The following GRIN2A variants were observed in gnomAD, a reference collection of about 807,000 sequenced individuals.
The protein encoded by GRIN2A is glutamate ionotropic receptor NMDA type subunit 2A, also known as glutamate receptor ionotropic, NMDA 2A.
In GRIN2A, 22 loss-of-function variants were observed where a neutral mutation model predicts 113.4. The ratio of observed to expected loss-of-function variants is 0.19; its 90% CI spans 0.14 to 0.28. The LOEUF is 0.28. Among genes scored for constraint, GRIN2A ranks in the 10% least tolerant of loss-of-function variants. The probability of loss-of-function intolerance (pLI) is 1.00; values close to 1 mark genes in which losing one functional copy is unlikely to be tolerated. For synonymous variants in GRIN2A, 827 were observed against 738.4 expected, an observed-to-expected ratio of 1.12 and a Z score of -1.94; for missense variants, 1,502 against 1,887.0, an observed-to-expected ratio of 0.80 and a Z score of 3.78.
chr16:9,802,114 A>T (rs1404633319), intron 10 of GRIN2A, among the ~76,000 whole-genome samples: 2 of 152,228 alleles, frequency 1.3e-5, no homozygotes, highest in African/African-American at 4.8e-5. Flanking sequence ...TTATACACTG[A>T]TGGTGGGAGT....
At position 10,110,275 on chromosome 16, in the gene GRIN2A, C is replaced by G. The variant is rs908601392; in HGVS notation, c.414+69723G>C. Among the ~76,000 whole-genome samples the G allele has an allele frequency of 3.3e-5, 5 of 152,192 alleles. No individual in the cohort carries two copies. In the East Asian group the frequency reaches 9.6e-4, roughly 29 times the overall value. On this transcript the variant is annotated intron_variant, in intron 2 of 12. Transcript: ENST00000330684. ...GTTGAATGGAAACCATTTGGAATAG[C>G]ATTTAACGAGTTAGGGGAACGTGGT...
At chr16:10,110,724 A>G (rs2048596349) in intron 2 of GRIN2A, among the ~76,000 whole-genome samples, 1 of 152,230 alleles carries the variant, frequency 6.6e-6, no homozygotes, top group African/African-American at 2.4e-5. Context: ...GGGAATATTT[A>G]GTCCATAAAA....
At position 9,910,735 on chromosome 16, in the gene GRIN2A, ACC is replaced by A. The variant is rs2044118585; in HGVS notation, c.1008-19637_1008-19636del. ...GTATTTTTAGTAGAAATGGAGTTTC[ACC>A]ATGTTGGCCAGTCTGGCCTCAAACT... On this transcript the variant is annotated intron_variant, in intron 3 of 12. Coordinates refer to ENST00000330684, the MANE Select transcript of GRIN2A (RefSeq NM_001134407.3). 3.3e-5 allele frequency among the ~76,000 whole-genome samples: 5 copies of A among 152,086 alleles called. No homozygotes were observed. In the South Asian group the frequency reaches 1.0e-3, roughly 32 times the overall value.
At chr16:10,158,364 T>C (rs749117009) in intron 2 of GRIN2A, among the ~76,000 whole-genome samples, 12 of 152,200 alleles carry the variant, frequency 7.9e-5, no homozygotes, top group Admixed American at 7.9e-4. Context: ...GGGATATCTA[T>C]CCTCAATAAG....
intron 3 of GRIN2A, among the ~76,000 whole-genome samples, chr16:9,894,102 T>C (rs761321917): frequency 5.9e-5 from 9 of 151,998 alleles, no homozygotes; most frequent in Non-Finnish European, 1.2e-4. Context: ...GGTGAAGGGG[T>C]TGAGGCAGGA....
At chr16:9,850,502 A>G (rs1236672019) in intron 4 of GRIN2A, among the ~76,000 whole-genome samples, 1 of 152,198 alleles carries the variant, frequency 6.6e-6, no homozygotes, top group African/African-American at 2.4e-5. Context: ...TTCTAAGTAT[A>G]AAGGAGAGAA....
At chr16:9,868,973 T>A (rs2043209654) in intron 4 of GRIN2A, among the ~76,000 whole-genome samples, 1 of 152,094 alleles carries the variant, frequency 6.6e-6, no homozygotes, top group South Asian at 2.1e-4. Flanking sequence ...CCCATAAAAC[T>A]GGGCAGGTAG....
At chr16:10,144,616 C>T (rs996698333) in intron 2 of GRIN2A, among the ~76,000 whole-genome samples, 5 of 152,052 alleles carry the variant, frequency 3.3e-5, no homozygotes, top group Admixed American at 6.5e-5. Context: ...TATAGGATAC[C>T]TTTTCATTCT....
intron 2 of GRIN2A, among the ~76,000 whole-genome samples, chr16:9,939,849 TG>T (rs2044819967): frequency 6.6e-6 from 1 of 152,166 alleles, no homozygotes; most frequent in African/African-American, 2.4e-5. Context: ...TATGCCTCTG[TG>T]TTAGAGCAAA....
chr16:9,885,691 C>T (rs1363299159), intron 4 of GRIN2A, among the ~76,000 whole-genome samples: 1 of 152,070 alleles, frequency 6.6e-6, no homozygotes, highest in Non-Finnish European at 1.5e-5. Flanking sequence ...AGTCTTTCCC[C>T]TCTGCTGACC....
At chr16:10,052,904 C>T (rs753179058) in intron 2 of GRIN2A, among the ~76,000 whole-genome samples, 7 of 152,026 alleles carry the variant, frequency 4.6e-5, no homozygotes, top group Non-Finnish European at 1.0e-4. Flanking sequence ...AACAATTACC[C>T]AGGCACAGTG....
intron 2 of GRIN2A, among the ~76,000 whole-genome samples, chr16:9,997,131 T>C (rs1190109189): frequency 6.6e-6 from 1 of 152,194 alleles, no homozygotes; most frequent in Non-Finnish European, 1.5e-5. Flanking sequence ...AAACACTGAT[T>C]GCTGAGTTAA....
intron 2 of GRIN2A, among the ~76,000 whole-genome samples, chr16:10,101,855 G>C (rs535048777): frequency 5.9e-5 from 9 of 152,200 alleles, no homozygotes; most frequent in Non-Finnish European, 1.3e-4. Context: ...TAATTTGGGG[G>C]ATATTTTGGC....
chr16:9,899,569 G>T (rs774782094), intron 3 of GRIN2A, among the ~76,000 whole-genome samples: 4 of 151,366 alleles, frequency 2.6e-5, no homozygotes, highest in Non-Finnish European at 4.4e-5. Context: ...TTTATAAGGA[G>T]AAAAGTATTG....
chr16:9,761,629 C>T lies in GRIN2A; in HGVS notation c.*1520G>A. ...CTGAGAAAGTGTCATAACATAGCAA[C>T]TATCTTGTCGGGGGCACTTGTTTTT... On this transcript the variant is annotated 3_prime_UTR_variant, in exon 13 of 13. Transcript: ENST00000330684. 4.4e-6 allele frequency: 1 copy of T among 229,292 alleles called. No individual in the cohort carries two copies. Among genetic ancestry groups the T allele is most frequent in the Non-Finnish European group, 8.6e-6 (1 of 115,662 alleles). 14.2% of individuals were successfully genotyped at this position (229,292 alleles called of 1,614,324 possible). A position where few individuals can be genotyped will look rare whatever the true frequency, so the allele number is the denominator to read the frequency against.
chr16:9,807,586 A>T (rs1161677002), intron 10 of GRIN2A, among the ~76,000 whole-genome samples: 1 of 152,118 alleles, frequency 6.6e-6, no homozygotes, highest in Non-Finnish European at 1.5e-5. Flanking sequence ...GTTAAATGTA[A>T]CGTTGGACCC....
chr16:10,130,376 G>C (rs1331843169), intron 2 of GRIN2A, among the ~76,000 whole-genome samples: 2 of 152,214 alleles, frequency 1.3e-5, no homozygotes, highest in African/African-American at 4.8e-5. Context: ...TAGAATCTTA[G>C]AATTAATAGA....
At chr16:10,039,808 G>GGGGAGAGAGAGAGAGAGAGAGAGAGAGA (rs1555469298) in intron 2 of GRIN2A, among the ~76,000 whole-genome samples, 1 of 63,808 alleles carries the variant, frequency 1.6e-5, no homozygotes, top group African/African-American at 7.8e-5. Context: ...GGGAGGGGGG[G>GGGGAGAGAGAGAGAGAGAGAGAGAGAGA]GAGAAAGAGA....
chr16:10,056,463 A>G (rs1056814053), intron 2 of GRIN2A, among the ~76,000 whole-genome samples: 1 of 152,124 alleles, frequency 6.6e-6, no homozygotes, highest in African/African-American at 2.4e-5. Context: ...CCATTGCTTC[A>G]TACATCCATC....
Sources: allele counts gnomAD v4.1 joint callset (sites outside exome capture counted in the v4.1 genomes callset), GRCh38; gene constraint gnomAD v4.1.1; transcripts MANE v1.5; gene names NCBI Gene and HGNC (gene_info 2026-07-23, HGNC 2026-07-21).